Variants in SERPINA1 observed in about 807,000 individuals in gnomAD.
SERPINA1 encodes serpin family A member 1.
In SERPINA1, 21 loss-of-function variants were observed where a neutral mutation model predicts 25.4. That is an observed-to-expected ratio of 0.83 (90% CI 0.59 to 1.19). The LOEUF is 1.19. Among genes scored for constraint, SERPINA1 ranks in the 50% most tolerant of loss-of-function variants. SERPINA1 has a pLI of 0.00. For missense variants in SERPINA1, 546 were observed against 509.0 expected (o/e 1.07, Z -0.70); for synonymous variants, 218 against 211.1 (o/e 1.03, Z -0.29).
At chr14:94,384,037 C>A (rs967885150) in intron 1 of SERPINA1, 1 of 152,226 alleles carries the variant, frequency 6.6e-6, no homozygotes, top group Non-Finnish European at 1.5e-5. Context: ...AGCTTACCTG[C>A]CGTCTGGGTC....
intron 4 of SERPINA1, 53 bp from the exon 5 acceptor site, chr14:94,378,693 C>T (rs371533975): frequency 6.4e-7 from 1 of 1,553,526 alleles, no homozygotes; most frequent in Non-Finnish European, 8.7e-7. Context: ...AGGCCTCGAG[C>T]AAGGCTCACG....
Position 94,378,410 on chromosome 14 carries a change from G to A in SERPINA1, c.*39C>T. On this transcript the variant is annotated 3_prime_UTR_variant, in exon 5 of 5. Transcript: ENST00000393087. ...TTCTTTAATGTCATCCAGGGAGGGG[G>A]CCAGGGATGGAGGGGAGGGGTTGAG... 3 of 1,552,618 alleles carry A rather than the reference G, an allele frequency of 1.9e-6. No homozygotes were observed. Among genetic ancestry groups the A allele is most frequent in the Non-Finnish European group, 2.7e-6 (3 of 1,124,034 alleles).
rs763483402 is a variant in SERPINA1 at position 94,383,047 on chromosome 14, T to C, written c.191A>G (p.Gln64Arg). ...LAEFAFSLYR[Q>R]LAHQSNSTNI... Reference sequence around the variant, plus strand: ...GGTGCTGTTGGACTGGTGTGCCAGCTGGCGGTATAGGCTGAAGGCGAACTC... The same window carrying C: ...GGTGCTGTTGGACTGGTGTGCCAGCCGGCGGTATAGGCTGAAGGCGAACTC... The change falls in exon 2 of 5, where the codon CAG becomes CGG. Residue 64 changes from glutamine (Q) to arginine (R), a missense_variant. By Grantham distance (43) the Gln-to-Arg change is conservative (BLOSUM62 1). Transcript: ENST00000393087. The C allele has an allele frequency of 1.9e-6, 3 of 1,613,262 alleles. No homozygotes were observed. Among genetic ancestry groups the C allele is most frequent in the Non-Finnish European group, 2.5e-6 (3 of 1,179,188 alleles).
At chr14:94,383,659 A>C in intron 1 of SERPINA1, 1 of 208,136 alleles carries the variant, frequency 4.8e-6, no homozygotes, top group Non-Finnish European at 9.8e-6. Flanking sequence ...TAAGATGCAA[A>C]TGGTACAGCC....
chr14:94,381,815 G>C (rs1896944086), intron 2 of SERPINA1, among the ~76,000 whole-genome samples: 1 of 152,196 alleles, frequency 6.6e-6, no homozygotes, highest in Non-Finnish European at 1.5e-5. Context: ...CTGCAGCCTG[G>C]CTGCTCTCCA....
chr14:94,389,836 G>C (rs754769661), upstream of SERPINA1: 3 of 152,234 alleles, frequency 2.0e-5, no homozygotes, highest in Non-Finnish European at 2.9e-5. Flanking sequence ...TTCAGACCAG[G>C]GAACCCACTT....
Position 94,378,430 on chromosome 14 carries a change from G to T in SERPINA1, c.*19C>A. 4 of 1,612,306 alleles carry T rather than the reference G, an allele frequency of 2.5e-6. No individual in the cohort carries two copies. The highest frequency in any genetic ancestry group is 3.4e-6 in the Non-Finnish European group (4 of 1,178,392). On this transcript the variant is annotated 3_prime_UTR_variant, in exon 5 of 5. Transcript: ENST00000393087. ...AGGGGGCCAGGGATGGAGGGGAGGG[G>T]TTGAGGAGCGAGAGGCAGTTATTTT...
chr14:94,387,019 T>C (rs922213953), intron 1 of SERPINA1, among the ~76,000 whole-genome samples: 9 of 152,232 alleles, frequency 5.9e-5, no homozygotes, highest in African/African-American at 2.2e-4. Flanking sequence ...AAAACTGAGA[T>C]GTAATCCTAA....
At position 94,380,870 on chromosome 14, in the gene SERPINA1, C is replaced by T. The variant is rs750779440; in HGVS notation, c.917+1G>A. The T allele has an allele frequency of 2.5e-6, 4 of 1,614,126 alleles. No individual in the cohort carries two copies. The African/African-American group carries it at 4.0e-5, about 16-fold the overall frequency. The stretch of plus-strand genomic sequence containing the variant: ...TGGTCACCCTCAGGTTGGGGAATCA[C>T]CTTCTGTCTTCATTTTCCAGGAACT... On this transcript the variant is annotated splice_donor_variant, in intron 3 of 4. Transcript: ENST00000393087. LOFTEE classifies it high-confidence loss of function.
rs898680730 is a variant in SERPINA1 at position 94,378,153 on chromosome 14, T to C, written c.*296A>G. ...GACTCCAAGACAGGACAAGGAAGAC[T>C]GGAGCCCTCCAGAAACAGATGGGCC... On this transcript the variant is annotated 3_prime_UTR_variant, in exon 5 of 5. Coordinates refer to ENST00000393087, the MANE Select transcript of SERPINA1 (RefSeq NM_000295.5). 13 of 484,264 alleles carry C rather than the reference T, an allele frequency of 2.7e-5. No homozygotes were observed. The highest frequency in any genetic ancestry group is 2.3e-4 in the African/African-American group (12 of 51,686). The allele number at this position is 484,264 out of a possible 1,614,324, so 30.0% of individuals were successfully genotyped here.
intron 3 of SERPINA1, chr14:94,380,655 TCACC>T: frequency 1.6e-6 from 1 of 624,346 alleles, no homozygotes; most frequent in Non-Finnish European, 2.9e-6. Flanking sequence ...CTTTACCTCC[TCACC>T]CCTGGGTACT....
intron 2 of SERPINA1, among the ~76,000 whole-genome samples, chr14:94,381,767 C>G (rs28444556): frequency 0.024 from 3,608 of 152,302 alleles, 119 homozygotes; most frequent in African/African-American, 0.071. Flanking sequence ...TGGGCCCCCA[C>G]TAAGGCCACA....
At position 94,381,123 on chromosome 14, in the gene SERPINA1, A is replaced by T; in HGVS notation, c.665T>A (p.Phe222Tyr). 1 of 1,612,778 alleles carries T rather than the reference A, an allele frequency of 6.2e-7. No individual in the cohort carries two copies. Among genetic ancestry groups the T allele is most frequent in the Non-Finnish European group, 8.5e-7 (1 of 1,179,928 alleles). Residue 222 changes from phenylalanine (F) to tyrosine (Y), a missense_variant, in exon 3 of 5, where the codon TTT (phenylalanine) becomes TAT (tyrosine). Physicochemically the swap from Phe to Tyr is conservative, Grantham distance 22 (BLOSUM62 3). Coordinates refer to ENST00000393087, the MANE Select transcript of SERPINA1 (RefSeq NM_000295.5). ...CTCTTCCTCGGTGTCCTTGACTTCA[A>T]AGGGTCTCTCCCATTTGCCTGGAGA... ...IFFKGKWERP[F>Y]EVKDTEEEDF...
At chr14:94,379,742 G>T in intron 3 of SERPINA1, 131 bp from the exon 4 acceptor site, 1 of 1,249,162 alleles carries the variant, frequency 8.0e-7, no homozygotes, top group Non-Finnish European at 1.1e-6. Flanking sequence ...CCCACACTAA[G>T]ATGGGAACTC....
rs1896524249 is a variant in SERPINA1 at position 94,378,458 on chromosome 14, G to A, written c.1248C>T (p.Thr416=). Residue 416 remains threonine (T), a synonymous_variant, in exon 5 of 5, where the codon ACC becomes ACT. Coordinates refer to ENST00000393087, the MANE Select transcript of SERPINA1 (RefSeq NM_000295.5). The part of the protein sequence containing the change: ...PLFMGKVVNP[T]QK ...GAGGAGCGAGAGGCAGTTATTTTTG[G>A]GTGGGATTCACCACTTTTCCCATGA... 1 of 1,614,078 alleles carries A rather than the reference G, an allele frequency of 6.2e-7. No individual in the cohort carries two copies. Among genetic ancestry groups the A allele is most frequent in the African/African-American group, 1.3e-5 (1 of 75,028 alleles).
intron 3 of SERPINA1, 71 bp downstream of exon 3, chr14:94,380,800 G>A (rs1461021759): frequency 6.2e-7 from 1 of 1,600,030 alleles, no homozygotes; most frequent in African/African-American, 1.3e-5. Context: ...GGCCAGTCCT[G>A]ATGGGCCTCA....
At chr14:94,389,756 C>CAGT (rs1897562375), upstream of SERPINA1, 1 of 152,226 alleles carries the variant, frequency 6.6e-6, no homozygotes, top group South Asian at 2.1e-4. Context: ...TGTCATTCAC[C>CAGT]AGTCCCATTT....
chr14:94,383,277 CAAGG>C, intron 1 of SERPINA1, 36 bp from the exon 2 acceptor site: 1 of 1,596,266 alleles, frequency 6.3e-7, no homozygotes, highest in Non-Finnish European at 8.5e-7. Context: ...GGCCCCGAGT[CAAGG>C]CACATGATGA....
chr14:94,384,039 G>C (rs189757371), intron 1 of SERPINA1: 1 of 152,196 alleles, frequency 6.6e-6, no homozygotes, highest in Non-Finnish European at 1.5e-5. Flanking sequence ...CTTACCTGCC[G>C]TCTGGGTCAC....
Sources: allele counts gnomAD v4.1 joint callset (sites outside exome capture counted in the v4.1 genomes callset), GRCh38; gene constraint gnomAD v4.1.1; transcripts MANE v1.5; gene names NCBI Gene and HGNC (gene_info 2026-07-23, HGNC 2026-07-21).